CADM1: variants seen among roughly 807,000 people sequenced by gnomAD.
The protein encoded by CADM1 is TSLC-1.
In CADM1, 15 loss-of-function variants were observed where a neutral mutation model predicts 53.1. That is an observed-to-expected ratio of 0.28 (90% CI 0.19 to 0.44). The LOEUF (loss-of-function observed/expected upper bound fraction) is 0.44, where lower values mean the gene tolerates loss of function less well. Among genes scored for constraint, CADM1 ranks in the 20% least tolerant of loss-of-function variants. The pLI is 1.00. For missense variants in CADM1, 434 were observed against 611.3 expected, an observed-to-expected ratio of 0.71 and a Z score of 3.06; for synonymous variants, 281 against 243.0, an observed-to-expected ratio of 1.16 and a Z score of -1.45.
At chr11:115,226,412 T>C (rs890887538) in intron 5 of CADM1, among the ~76,000 whole-genome samples, 1 of 152,186 alleles carries the variant, frequency 6.6e-6, no homozygotes, top group African/African-American at 2.4e-5. Context: ...ATTGTATTCA[T>C]CTTTTCCAGG....
At chr11:115,405,489 A>G (rs1217781960) in intron 1 of CADM1, among the ~76,000 whole-genome samples, 1 of 152,232 alleles carries the variant, frequency 6.6e-6, no homozygotes, top group Non-Finnish European at 1.5e-5. Context: ...TCCTACCCAC[A>G]TTCAAAAGTA....
chr11:115,466,088 A>T (rs934654730), intron 1 of CADM1, among the ~76,000 whole-genome samples: 1 of 152,182 alleles, frequency 6.6e-6, no homozygotes, highest in Non-Finnish European at 1.5e-5. Context: ...TCTGGTAAAG[A>T]CATGATGAGC....
chr11:115,223,973 A>AGAGAGAGAGAGAGAG (rs1555043882), intron 5 of CADM1, among the ~76,000 whole-genome samples: 11 of 92,480 alleles, frequency 1.2e-4, no homozygotes, highest in African/African-American at 2.1e-4. Context: ...AAAAAAAAAA[A>AGAGAGAGAGAGAGAG]AGAGAGAGAG....
intron 1 of CADM1, among the ~76,000 whole-genome samples, chr11:115,387,698 A>C (rs1946733609): frequency 6.6e-6 from 1 of 152,272 alleles, no homozygotes; most frequent in Middle Eastern, 3.4e-3. Flanking sequence ...GAATGGAGAT[A>C]AGCATTCTCT....
chr11:115,366,577 C>T (rs926995433), intron 1 of CADM1, among the ~76,000 whole-genome samples: 3 of 152,108 alleles, frequency 2.0e-5, no homozygotes, highest in Admixed American at 2.0e-4. Flanking sequence ...CAAAGAAATA[C>T]GTCATTTTGT....
intron 1 of CADM1, among the ~76,000 whole-genome samples, chr11:115,415,823 CAAAAAAAAAAA>C (rs71066426): frequency 1.6e-4 from 7 of 43,660 alleles, no homozygotes; most frequent in South Asian, 1.2e-3. Flanking sequence ...AGACTGTCTC[CAAAAAAAAAAA>C]AAAAAAAAAA....
intron 1 of CADM1, among the ~76,000 whole-genome samples, chr11:115,262,911 A>T (rs1943019205): frequency 6.6e-6 from 1 of 152,188 alleles, no homozygotes; most frequent in South Asian, 2.1e-4. Flanking sequence ...CCTAATGTTA[A>T]CATCTTATTT....
chr11:115,473,369 G>T (rs1949058838), intron 1 of CADM1, among the ~76,000 whole-genome samples: 1 of 152,150 alleles, frequency 6.6e-6, no homozygotes, highest in African/African-American at 2.4e-5. Flanking sequence ...AAAGGCGGGA[G>T]GTTCACTTGG....
intron 1 of CADM1, among the ~76,000 whole-genome samples, chr11:115,462,185 G>C (rs1948810182): frequency 6.6e-6 from 1 of 152,124 alleles, no homozygotes; most frequent in African/African-American, 2.4e-5. Context: ...CTTAACTAAG[G>C]GCCACTGATG....
intron 1 of CADM1, among the ~76,000 whole-genome samples, chr11:115,390,566 G>A (rs1046254970): frequency 2.9e-4 from 44 of 151,332 alleles, no homozygotes; most frequent in African/African-American, 9.0e-4. Context: ...ATGATCAGAT[G>A]TAAGTGTTTA....
intron 7 of CADM1, among the ~76,000 whole-genome samples, chr11:115,211,901 G>A (rs941618796): frequency 3.9e-5 from 6 of 152,098 alleles, no homozygotes; most frequent in African/African-American, 1.2e-4. Flanking sequence ...TGAACCAAGG[G>A]GTGGACCAGA....
intron 1 of CADM1, among the ~76,000 whole-genome samples, chr11:115,466,277 G>T (rs1948897333): frequency 6.6e-6 from 1 of 152,104 alleles, no homozygotes; most frequent in Non-Finnish European, 1.5e-5. Flanking sequence ...TTTTAATGAA[G>T]CTCACTTCAA....
chr11:115,376,796 C>A (rs530146301), intron 1 of CADM1, among the ~76,000 whole-genome samples: 2 of 152,250 alleles, frequency 1.3e-5, no homozygotes, highest in Admixed American at 1.3e-4. Context: ...ATAGTGCCAG[C>A]CACCGGGGAT....
chr11:115,358,383 A>G (rs1031877361), intron 1 of CADM1, among the ~76,000 whole-genome samples: 1 of 152,198 alleles, frequency 6.6e-6, no homozygotes, highest in Non-Finnish European at 1.5e-5. Flanking sequence ...CGGAAGGTGA[A>G]AGGCATGTTT....
chr11:115,451,292 T>C (rs553759947), intron 1 of CADM1, among the ~76,000 whole-genome samples: 2 of 152,330 alleles, frequency 1.3e-5, no homozygotes, highest in East Asian at 3.9e-4. Context: ...TATATTACGA[T>C]TGTTCCACTA....
At chr11:115,411,597 A>C (rs1947461157) in intron 1 of CADM1, among the ~76,000 whole-genome samples, 1 of 152,202 alleles carries the variant, frequency 6.6e-6, no homozygotes, top group Non-Finnish European at 1.5e-5. Flanking sequence ...TTCACCCCTA[A>C]AATAAACAAC....
At chr11:115,190,993 C>T (rs1405469700) in intron 9 of CADM1, 52 bp from the exon 10 acceptor site, 1 of 1,438,740 alleles carries the variant, frequency 7.0e-7, no homozygotes, top group African/African-American at 1.4e-5. Context: ...GGGACATAAA[C>T]AAAACACTTA....
chr11:115,339,685 A>G (rs903660438), intron 1 of CADM1, among the ~76,000 whole-genome samples: 5 of 152,186 alleles, frequency 3.3e-5, no homozygotes, highest in Non-Finnish European at 7.3e-5. Context: ...GCTATCTAAT[A>G]TCAAAGTATA....
chr11:115,243,173 A>G (rs535541778), intron 1 of CADM1, among the ~76,000 whole-genome samples: 2 of 152,232 alleles, frequency 1.3e-5, no homozygotes, highest in Non-Finnish European at 2.9e-5. Context: ...AAATTTTTCC[A>G]TCTGCAAATG....
Sources: gnomAD v4.1 joint callset for allele counts (sites outside exome capture counted in the v4.1 genomes callset) on GRCh38, gnomAD v4.1.1 for gene constraint, MANE v1.5 for transcripts, NCBI Gene and HGNC (gene_info 2026-07-23, HGNC 2026-07-21) for gene names.